The following GPD2 variants were observed in gnomAD, a reference collection of about 807,000 sequenced individuals.
GPD2 encodes glycerol-3-phosphate dehydrogenase 2.
GPD2 carries 54 observed loss-of-function variants against 82.4 expected under a neutral mutation model. The observed-to-expected ratio is 0.66, with a 90% CI of 0.53 to 0.82. The LOEUF (loss-of-function observed/expected upper bound fraction) is 0.82, where lower values mean the gene tolerates loss of function less well. Ranked by LOEUF, GPD2 falls within the 40% of genes least tolerant of loss-of-function variation. The probability of loss-of-function intolerance (pLI) is 0.00; values close to 1 mark genes in which losing one functional copy is unlikely to be tolerated. For missense variants in GPD2, 748 were observed against 896.2 expected (o/e 0.83, Z 2.11); for synonymous variants, 288 against 306.1 (o/e 0.94, Z 0.62).
intron 6 of GPD2, among the ~76,000 whole-genome samples, chr2:156,544,597 A>T (rs1245319320): frequency 6.6e-6 from 1 of 152,178 alleles, no homozygotes; most frequent in Non-Finnish European, 1.5e-5. Context: ...AGCTTTACTG[A>T]TGCCCAGTCT....
chr2:156,451,122 G>C (rs298240), intron 1 of GPD2, among the ~76,000 whole-genome samples: 135,401 of 149,392 alleles, frequency 0.91, 62,553 homozygotes, highest in South Asian at 1. Context: ...CTTTCCCCCC[G>C]TTCTATTCCA....
intron 7 of GPD2, among the ~76,000 whole-genome samples, chr2:156,550,308 C>T (rs1443486689): frequency 6.6e-6 from 1 of 152,220 alleles, no homozygotes; most frequent in Non-Finnish European, 1.5e-5. Flanking sequence ...GGCTTATTTA[C>T]TCATTCTACT....
At chr2:156,579,253 A>G (rs1483453779) in intron 15 of GPD2, 89 bp downstream of exon 15, 2 of 761,658 alleles carry the variant, frequency 2.6e-6, no homozygotes, top group Non-Finnish European at 2.3e-6. Context: ...TCTACAAGTA[A>G]TATTTTTGTT....
chr2:156,583,138 TTC>T lies in GPD2; in HGVS notation c.*222_*223del. On this transcript the variant is annotated 3_prime_UTR_variant, in exon 17 of 17. Transcript: ENST00000438166. ...CAGTCTAGCTTTTAAGTATATTTTT[TTC>T]TTTTTCTCATTTTCAATGCACATTA... is the stretch of plus-strand genomic sequence containing the variant. 1.9e-6 allele frequency: 1 copy of T among 537,736 alleles called. No individual in the cohort carries two copies. The highest frequency in any genetic ancestry group is 3.3e-6 in the Non-Finnish European group (1 of 301,236). The allele number at this position is 537,736 out of a possible 1,614,324, so 33.3% of individuals were successfully genotyped here. A position where few individuals can be genotyped will look rare whatever the true frequency, so the allele number is the denominator to read the frequency against.
chr2:156,582,503 G>A (rs1007557541), intron 16 of GPD2, among the ~76,000 whole-genome samples: 7 of 141,828 alleles, frequency 4.9e-5, no homozygotes, highest in African/African-American at 7.8e-5. Context: ...AAAAAAAAGT[G>A]CCTTGAGCAC....
At chr2:156,425,821 G>A in the GPD2 span, among the ~76,000 whole-genome samples, 1 of 151,952 alleles carries the variant, frequency 6.6e-6, no homozygotes, top group Non-Finnish European at 1.5e-5. Flanking sequence ...AAATCTGACC[G>A]AACATATATC....
intron 6 of GPD2, among the ~76,000 whole-genome samples, chr2:156,528,816 A>G (rs1472031977): frequency 6.6e-6 from 1 of 151,792 alleles, no homozygotes. Context: ...TATGTGCCAC[A>G]TTTTCTTAAT....
chr2:156,529,491 T>C (rs1480553066), intron 6 of GPD2, among the ~76,000 whole-genome samples: 1 of 150,084 alleles, frequency 6.7e-6, no homozygotes, highest in African/African-American at 2.4e-5. Flanking sequence ...GCTTTTGGTG[T>C]TTTAGACATG....
rs1430316715 is a variant in GPD2 at position 156,502,012 on chromosome 2, G to A, written c.274+5797G>A. 14 of 154,064 alleles carry A rather than the reference G, an allele frequency of 9.1e-5. No homozygotes were observed. The Admixed American group carries it at 9.2e-4, about 10-fold the overall frequency. The allele number at this position is 154,064 out of a possible 1,614,324, so 9.5% of individuals were successfully genotyped here. A position where few individuals can be genotyped will look rare whatever the true frequency, so the allele number is the denominator to read the frequency against. On this transcript the variant is annotated intron_variant, in intron 3 of 16. Transcript: ENST00000438166. ...TCAGTCTTTAAATACATGAAGTTTAGAATATGGTAAAGGCAGCATTTCAAA... is the reference window on the plus strand; with the variant it reads ...TCAGTCTTTAAATACATGAAGTTTAAAATATGGTAAAGGCAGCATTTCAAA...
chr2:156,400,364 C>T, the GPD2 span, among the ~76,000 whole-genome samples: 12 of 152,212 alleles, frequency 7.9e-5, no homozygotes, highest in East Asian at 1.4e-3. Flanking sequence ...GGGTTCTACC[C>T]GGCAGCAAAG....
chr2:156,474,880 C>T (rs1321760035), intron 1 of GPD2, among the ~76,000 whole-genome samples: 3 of 150,800 alleles, frequency 2.0e-5, no homozygotes, highest in Admixed American at 6.6e-5. Context: ...CTTTGGGAAG[C>T]CAAGGTAGGA....
chr2:156,457,219 G>A (rs1682817663), intron 1 of GPD2, among the ~76,000 whole-genome samples: 1 of 152,160 alleles, frequency 6.6e-6, no homozygotes, highest in South Asian at 2.1e-4. Context: ...ATACCAAGAA[G>A]TACTATTCTA....
intron 6 of GPD2, among the ~76,000 whole-genome samples, chr2:156,529,671 C>T (rs1397713543): frequency 2.0e-5 from 3 of 151,310 alleles, no homozygotes; most frequent in African/African-American, 7.3e-5. Context: ...AGCCAGTTTT[C>T]CCAGCACCAT....
At chr2:156,530,822 A>G (rs1275755140) in intron 6 of GPD2, among the ~76,000 whole-genome samples, 1 of 152,104 alleles carries the variant, frequency 6.6e-6, no homozygotes, top group Non-Finnish European at 1.5e-5. Flanking sequence ...GTGCTGCTGG[A>G]TTCGGTTTTT....
intron 6 of GPD2, among the ~76,000 whole-genome samples, chr2:156,542,072 G>A (rs935345632): frequency 2.0e-5 from 3 of 151,868 alleles, no homozygotes; most frequent in East Asian, 3.9e-4. Flanking sequence ...TTTCAAGAGA[G>A]GAAAGTCCTG....
intron 8 of GPD2, among the ~76,000 whole-genome samples, chr2:156,553,310 C>T (rs540828628): frequency 6.6e-6 from 1 of 152,072 alleles, no homozygotes; most frequent in African/African-American, 2.4e-5. Context: ...CGTATTAGTG[C>T]CCAGTAAATA....
At chr2:156,504,301 C>T (rs776643190) in intron 3 of GPD2, among the ~76,000 whole-genome samples, 13 of 152,044 alleles carry the variant, frequency 8.6e-5, no homozygotes, top group South Asian at 8.3e-4. Context: ...GTTCAGCCTT[C>T]GGGTTAGTCC....
chr2:156,482,379 T>A (rs949841600), intron 2 of GPD2, among the ~76,000 whole-genome samples: 3 of 152,192 alleles, frequency 2.0e-5, no homozygotes, highest in Non-Finnish European at 4.4e-5. Context: ...CCACTGTTTC[T>A]TTCTTTTTTT....
At chr2:156,426,916 C>A in the GPD2 span, among the ~76,000 whole-genome samples, 1 of 152,144 alleles carries the variant, frequency 6.6e-6, no homozygotes, top group African/African-American at 2.4e-5. Context: ...CTTTCCAGAG[C>A]AGATACTGAG....
Sources: allele counts gnomAD v4.1 joint callset (sites outside exome capture counted in the v4.1 genomes callset), GRCh38; gene constraint gnomAD v4.1.1; transcripts MANE v1.5; gene names NCBI Gene and HGNC (gene_info 2026-07-23, HGNC 2026-07-21).